Variants in HSPA12A observed in about 807,000 individuals in gnomAD.
The protein encoded by HSPA12A is heat shock 70 kDa protein 12A.
In HSPA12A, 28 loss-of-function variants were observed where a neutral mutation model predicts 69.2. The ratio of observed to expected loss-of-function variants is 0.40; its 90% CI spans 0.30 to 0.55. HSPA12A has a LOEUF of 0.55. Among genes scored for constraint, HSPA12A ranks in the 20% least tolerant of loss-of-function variants. The probability of loss-of-function intolerance (pLI) is 0.38; values close to 1 mark genes in which losing one functional copy is unlikely to be tolerated. For synonymous variants in HSPA12A, 345 were observed against 370.5 expected (o/e 0.93, Z 0.79); for missense variants, 686 against 900.7 (o/e 0.76, Z 3.05).
At chr10:116,849,475 TG>T (rs1326209155) in intron 1 of HSPA12A, 2 of 1,419,312 alleles carry the variant, frequency 1.4e-6, no homozygotes, top group East Asian at 2.7e-5. Context: ...ACGCGAGATC[TG>T]GGGGTCGGGA....
In HSPA12A at chr10:116,706,557, G is replaced by A. The variant is rs568843341; in HGVS notation, c.126+643C>T. Among the ~76,000 whole-genome samples, 3 of 152,292 alleles carry A rather than the reference G, an allele frequency of 2.0e-5. No homozygotes were observed. In the East Asian group the frequency reaches 5.8e-4, roughly 30 times the overall value. ...TGGGTCTTCTTTGTGCGTCTGCACA[G>A]CTCATGCAAAGCTGCCCTGTCTTCC... On this transcript the variant is annotated intron_variant, in intron 2 of 11. Transcript: ENST00000369209.
chr10:116,836,204 G>A (rs998947722), intron 1 of HSPA12A, among the ~76,000 whole-genome samples: 1 of 152,076 alleles, frequency 6.6e-6, no homozygotes, highest in East Asian at 1.9e-4. Flanking sequence ...CTCCAGCTGC[G>A]GAGCTTATTG....
In HSPA12A at chr10:116,674,329, T is replaced by C. The variant is rs1849163634; in HGVS notation, c.*452A>G. On this transcript the variant is annotated 3_prime_UTR_variant, in exon 12 of 12. Transcript: ENST00000369209. ...AACTGCAGATGGGTGGCATTTTATA[T>C]TGATGGCCATCCAAAAAATTTAGAA... The C allele has an allele frequency of 6.0e-6, 1 of 166,608 alleles. No individual in the cohort carries two copies. The highest frequency in any genetic ancestry group is 5.5e-5 in the Admixed American group (1 of 18,128). 10.3% of individuals were successfully genotyped at this position (166,608 alleles called of 1,614,324 possible). A position where few individuals can be genotyped will look rare whatever the true frequency, so the allele number is the denominator to read the frequency against.
chr10:116,690,659 T>C (rs1554880043), intron 6 of HSPA12A, among the ~76,000 whole-genome samples: 1 of 152,138 alleles, frequency 6.6e-6, no homozygotes, highest in South Asian at 2.1e-4. Context: ...GGGTACCTAT[T>C]TGATTCCAAC....
intron 2 of HSPA12A, among the ~76,000 whole-genome samples, chr10:116,779,916 C>T (rs1844425893): frequency 6.6e-6 from 1 of 152,274 alleles, no homozygotes; most frequent in Middle Eastern, 3.4e-3. Flanking sequence ...TAGGGGACTG[C>T]AGCCACCCTT....
intron 7 of HSPA12A, among the ~76,000 whole-genome samples, chr10:116,682,938 C>T (rs990463493): frequency 1.4e-5 from 2 of 147,100 alleles, no homozygotes; most frequent in Admixed American, 1.4e-4. Context: ...TTCCTGACCT[C>T]GTGATCCGCC....
intron 4 of HSPA12A, among the ~76,000 whole-genome samples, chr10:116,699,428 G>A (rs914587349): frequency 6.6e-6 from 1 of 152,138 alleles, no homozygotes; most frequent in Non-Finnish European, 1.5e-5. Flanking sequence ...GATGGGCAGG[G>A]AGTGAGAGCA....
intron 2 of HSPA12A, among the ~76,000 whole-genome samples, chr10:116,817,580 G>A (rs1845330002): frequency 6.6e-6 from 1 of 152,122 alleles, no homozygotes; most frequent in Non-Finnish European, 1.5e-5. Flanking sequence ...TTCTATTTAA[G>A]ATTTCTCTGT....
chr10:116,795,979 TA>T (rs1844814674), intron 2 of HSPA12A, among the ~76,000 whole-genome samples: 1 of 149,928 alleles, frequency 6.7e-6, no homozygotes. Flanking sequence ...ACCTCGCCTC[TA>T]CTAAAAATAC....
At chr10:116,773,470 C>T (rs1844259553) in intron 2 of HSPA12A, among the ~76,000 whole-genome samples, 1 of 152,242 alleles carries the variant, frequency 6.6e-6, no homozygotes, top group African/African-American at 2.4e-5. Context: ...TGACAATTGC[C>T]TTCGCAGCTC....
chr10:116,696,133 C>CA (rs1459642216), intron 5 of HSPA12A, among the ~76,000 whole-genome samples: 3 of 152,004 alleles, frequency 2.0e-5, no homozygotes, highest in Non-Finnish European at 4.4e-5. Flanking sequence ...CCTCACCAGA[C>CA]ACCAAACCCA....
chr10:116,681,724 T>C (rs1286895542), intron 8 of HSPA12A, 67 bp downstream of exon 8: 3 of 1,426,528 alleles, frequency 2.1e-6, no homozygotes, highest in Non-Finnish European at 2.0e-6. Context: ...AAGGGACAAA[T>C]GGGAATGGCT....
chr10:116,732,844 G>A (rs782330594), intron 1 of HSPA12A, among the ~76,000 whole-genome samples: 2 of 152,178 alleles, frequency 1.3e-5, no homozygotes, highest in African/African-American at 2.4e-5. Context: ...TAGCCATTGC[G>A]GAGTTCAGCT....
At chr10:116,700,520 A>G (rs1427082509) in intron 4 of HSPA12A, among the ~76,000 whole-genome samples, 5 of 152,256 alleles carry the variant, frequency 3.3e-5, no homozygotes, top group African/African-American at 1.2e-4. Flanking sequence ...TGGTTAGTTA[A>G]GAGCTACTGC....
intron 2 of HSPA12A, among the ~76,000 whole-genome samples, chr10:116,753,548 C>T (rs1159122846): frequency 2.0e-5 from 3 of 152,190 alleles, no homozygotes; most frequent in Non-Finnish European, 2.9e-5. Flanking sequence ...CCTCATCCTG[C>T]CTGTCATAGA....
At chr10:116,847,634 A>G (rs1285431545) in intron 1 of HSPA12A, among the ~76,000 whole-genome samples, 1 of 152,224 alleles carries the variant, frequency 6.6e-6, no homozygotes, top group Non-Finnish European at 1.5e-5. Context: ...TTAAGTACTT[A>G]TTAACCATTT....
At chr10:116,751,577 A>G (rs990342953) in intron 2 of HSPA12A, among the ~76,000 whole-genome samples, 2 of 152,156 alleles carry the variant, frequency 1.3e-5, no homozygotes, top group Non-Finnish European at 2.9e-5. Context: ...CCATCACCCA[A>G]ATTAATTTGT....
chr10:116,744,767 A>AG (rs1215818334), upstream of HSPA12A, among the ~76,000 whole-genome samples: 19 of 152,336 alleles, frequency 1.2e-4, no homozygotes, highest in African/African-American at 3.8e-4. Flanking sequence ...GCGGTTTTGC[A>AG]GGAGAGGAAA....
rs180893648 is a variant in HSPA12A, at chr10:116,776,640, C to T, written c.91+58295G>A. On this transcript the variant is annotated intron_variant, in intron 2 of 12. Transcript: ENST00000635765. ...ATTATTGTAGCAGAATCCACCGCTT[C>T]CCTGAAGTACTCAAGCCATTGATTC... Among the ~76,000 whole-genome samples the T allele has an allele frequency of 3.3e-3, 501 of 152,300 alleles. 2 individuals are homozygous for T. Among genetic ancestry groups the T allele is most frequent in the Non-Finnish European group, 5.4e-3 (367 of 68,022 alleles).
Sources: gnomAD v4.1 joint callset for allele counts (sites outside exome capture counted in the v4.1 genomes callset) on GRCh38, gnomAD v4.1.1 for gene constraint, MANE v1.5 for transcripts, NCBI Gene and HGNC (gene_info 2026-07-23, HGNC 2026-07-21) for gene names.